HMCN2: variants seen among roughly 807,000 people sequenced by gnomAD.
HMCN2 encodes hemicentin 2.
HMCN2 carries 325 observed loss-of-function variants against 377.5 expected under a neutral mutation model. That is an observed-to-expected ratio of 0.86 (90% CI 0.79 to 0.94). HMCN2 has a LOEUF of 0.94. Among genes scored for constraint, HMCN2 ranks in the 40% least tolerant of loss-of-function variants. HMCN2 has a pLI of 0.00. For synonymous variants in HMCN2, 2,007 were observed against 2,046.8 expected, an observed-to-expected ratio of 0.98 and a Z score of 0.53; for missense variants, 4,543 against 4,725.3, an observed-to-expected ratio of 0.96 and a Z score of 1.13.
At chr9:130,408,479 A>G (rs961071280) in intron 83 of HMCN2, among the ~76,000 whole-genome samples, 1 of 152,164 alleles carries the variant, frequency 6.6e-6, no homozygotes, top group African/African-American at 2.4e-5. Flanking sequence ...GGCATCACTA[A>G]TCAATCACAG....
In HMCN2 at chr9:130,384,193, C is replaced by T. The variant is rs1841890229; in HGVS notation, c.8831-180C>T. On this transcript the variant is annotated intron_variant, in intron 57 of 97. Coordinates refer to ENST00000683500, the MANE Select transcript of HMCN2 (RefSeq NM_001291815.2). The stretch of plus-strand genomic sequence containing the variant: ...GAACAGTGACTCTCCCTCTCTGATC[C>T]CCTACCCAGTGTCCTTCTGTGTAAG... Among the ~76,000 whole-genome samples, 3 of 152,214 alleles carry T rather than the reference C, an allele frequency of 2.0e-5. No individual in the cohort carries two copies. The South Asian group carries it at 6.2e-4, about 32-fold the overall frequency.
rs7860727 is a variant in HMCN2 at position 130,433,627 on chromosome 9, T to C, written c.15174T>C (p.Arg5058=). ...TRAGLYRLTV[R]AAAPRHQSVF... ...CCGGCCTCTACCGGCTCACCGTGCG[T>C]GCTGCGGCACCGCGCCACCAAAGCG... Residue 5058 remains arginine, a synonymous_variant, in exon 98 of 98, where the codon CGT becomes CGC. Transcript: ENST00000683500. The C allele has an allele frequency of 0.16, 248,363 of 1,518,448 alleles. 22,250 individuals carry two copies. The highest frequency in any genetic ancestry group is 0.35 in the African/African-American group (24,325 of 69,054). 94.1% of individuals were successfully genotyped at this position (1,518,448 alleles called of 1,614,324 possible).
At chr9:130,358,623 T>G in intron 36 of HMCN2, 137 bp downstream of exon 36, 1 of 742,902 alleles carries the variant, frequency 1.3e-6, no homozygotes, top group Non-Finnish European at 2.0e-6. Flanking sequence ...TCAGAGGAAG[T>G]AGAAAGCCCT....
intron 22 of HMCN2, among the ~76,000 whole-genome samples, chr9:130,329,297 A>G (rs1169390920): frequency 2.0e-5 from 3 of 152,190 alleles, no homozygotes; most frequent in Non-Finnish European, 2.9e-5. Flanking sequence ...AGGTTCATCC[A>G]TGTCGTAGCC....
At chr9:130,398,346 G>C (rs1008251109) in intron 74 of HMCN2, among the ~76,000 whole-genome samples, 3 of 152,092 alleles carry the variant, frequency 2.0e-5, no homozygotes, top group Non-Finnish European at 4.4e-5. Flanking sequence ...AGGCACTGAG[G>C]GGGTGCCAGG....
Position 130,364,868 on chromosome 9 carries a change from C to G in HMCN2, c.6387C>G (p.Ser2129=), listed in dbSNP as rs532663288. 1 of 985,862 alleles carries G rather than the reference C, an allele frequency of 1.0e-6. No individual in the cohort carries two copies. The highest frequency in any genetic ancestry group is 1.7e-5 in the African/African-American group (1 of 57,252). The allele number at this position is 985,862 out of a possible 1,614,324, so 61.1% of individuals were successfully genotyped here. ...AACCACGGCCTGGAGTCCACCTCTC[C>G]GCAGACAAAGCCTTGCTGCAGGTGT... ...PLEPRPGVHL[S]ADKALLQVDR... Residue 2129 remains serine (S), a synonymous_variant, in exon 41 of 98, where the codon TCC becomes TCG. Coordinates refer to ENST00000683500, the MANE Select transcript of HMCN2 (RefSeq NM_001291815.2).
At chr9:130,313,570 G>T (rs1359386516) in intron 15 of HMCN2, among the ~76,000 whole-genome samples, 1 of 150,264 alleles carries the variant, frequency 6.7e-6, no homozygotes, top group African/African-American at 2.4e-5. Flanking sequence ...TTCACTTAGG[G>T]CTTGCGTGGA....
intron 31 of HMCN2, 138 bp downstream of exon 31, chr9:130,353,343 T>G: frequency 1.5e-6 from 1 of 679,988 alleles, no homozygotes; most frequent in Middle Eastern, 6.2e-4. Context: ...ACCAAGACAT[T>G]ATCTAGGGAG....
chr9:130,429,676 C>G lies in HMCN2; in HGVS notation c.14317C>G (p.Pro4773Ala), dbSNP rs1203087283. 2 of 1,532,778 alleles carry G rather than the reference C, an allele frequency of 1.3e-6. No individual in the cohort carries two copies. Among genetic ancestry groups the G allele is most frequent in the East Asian group, 4.9e-5 (2 of 40,604 alleles). The allele number at this position is 1,532,778 out of a possible 1,614,324, so 94.9% of individuals were successfully genotyped here. Residue 4773 changes from proline to alanine, a missense_variant, in exon 94 of 98, where the codon CCC (proline) becomes GCC (alanine). Physicochemically the swap from Pro to Ala is conservative, Grantham distance 27 (BLOSUM62 -1). Around this residue, in one of 5 missense-constraint regions of HMCN2, gnomAD observed 1,155 missense variants for 1,157.7 expected, o/e 1.00. Transcript: ENST00000683500. ...TTACCGGATGCAGGGCCCCAGCCTG[C>G]CCTGCCTAGGTACGGGGACACCCAC... ...RGYRMQGPSL[P>A]CLDVNECLQL...
At position 130,373,073 on chromosome 9, in the gene HMCN2, G is replaced by A; in HGVS notation, c.7387G>A (p.Val2463Met). Residue 2463 changes from valine to methionine, a missense_variant, in exon 48 of 98, where the codon GTG becomes ATG. By Grantham distance (21) the Val-to-Met change is conservative (BLOSUM62 1). Transcript: ENST00000683500. ...TATTGAGAACGAGGACTTGGAGGAGGTGATCAAGGTCCTTGATGGACAGAC... is the reference window on the plus strand; with the variant it reads ...TATTGAGAACGAGGACTTGGAGGAGATGATCAAGGTCCTTGATGGACAGAC... ...PSIENEDLEE[V>M]IKVLDGQTAH... 4 of 984,494 alleles carry A rather than the reference G, an allele frequency of 4.1e-6. No homozygotes were observed. Among genetic ancestry groups the A allele is most frequent in the Non-Finnish European group, 4.8e-6 (4 of 829,218 alleles). 61.0% of individuals were successfully genotyped at this position (984,494 alleles called of 1,614,324 possible). A position where few individuals can be genotyped will look rare whatever the true frequency, so the allele number is the denominator to read the frequency against.
At chr9:130,311,943 A>T (rs1335233530) in intron 15 of HMCN2, among the ~76,000 whole-genome samples, 2 of 152,150 alleles carry the variant, frequency 1.3e-5, no homozygotes, top group Non-Finnish European at 2.9e-5. Flanking sequence ...TGGGCTCAGG[A>T]GCCTGATAAG....
At position 130,341,145 on chromosome 9, in the gene HMCN2, G is replaced by A. The variant is rs1839025900; in HGVS notation, c.3522G>A (p.Leu1174=). The change falls in exon 24 of 98, where the codon CTG becomes CTA. Residue 1174 remains leucine, a synonymous_variant. Transcript: ENST00000683500. ...PPQVQPGPRV[L]KVLVGEALDL... The stretch of plus-strand genomic sequence containing the variant: ...AGGTGCAGCCAGGCCCTCGGGTTCT[G>A]AAGGTGCTGGTGGGAGAAGCCCTGG... The A allele has an allele frequency of 6.6e-6, 1 of 152,556 alleles. No homozygotes were observed. Among genetic ancestry groups the A allele is most frequent in the South Asian group, 2.1e-4 (1 of 4,836 alleles). 9.5% of individuals were successfully genotyped at this position (152,556 alleles called of 1,614,324 possible).
In HMCN2 at chr9:130,269,803, TG is replaced by T. The variant is rs1250997244; in HGVS notation, c.259+3667del. ...TGATGATGTTATCTGTTTTTTTTTT[TG>T]TTGTTGTTTGTTTGTTTGTTTTTTG... On this transcript the variant is annotated intron_variant, in intron 1 of 97. Coordinates refer to ENST00000683500, the MANE Select transcript of HMCN2 (RefSeq NM_001291815.2). 4.0e-3 allele frequency among the ~76,000 whole-genome samples: 555 copies of T among 139,510 alleles called. 18 individuals are homozygous for T. Among genetic ancestry groups the T allele is most frequent in the African/African-American group, 0.012 (450 of 38,914 alleles). The allele number at this position is 139,510 out of a possible 152,430, so 91.5% of individuals were successfully genotyped here.
intron 83 of HMCN2, among the ~76,000 whole-genome samples, chr9:130,408,152 T>G (rs2131740724): frequency 6.6e-6 from 1 of 152,272 alleles, no homozygotes; most frequent in African/African-American, 2.4e-5. Flanking sequence ...TGTCTTAGTT[T>G]GCACAACCTC....
chr9:130,408,454 C>T (rs1843225230), intron 83 of HMCN2, among the ~76,000 whole-genome samples: 1 of 152,196 alleles, frequency 6.6e-6, no homozygotes, highest in Non-Finnish European at 1.5e-5. Context: ...TGCCTTCCTG[C>T]CTGTGCCCAT....
In HMCN2 at chr9:130,427,394, G is replaced by A; in HGVS notation, c.13942+19G>A. 4 of 1,550,574 alleles carry A rather than the reference G, an allele frequency of 2.6e-6. No individual in the cohort carries two copies. The highest frequency in any genetic ancestry group is 3.5e-6 in the Non-Finnish European group (4 of 1,146,982). On this transcript the variant is annotated intron_variant, in intron 91 of 97. Coordinates refer to ENST00000683500, the MANE Select transcript of HMCN2 (RefSeq NM_001291815.2). ...TGTGTGGGTGAGCGCCCCCAACCCT[G>A]GCATGGATGTGGGAGGCCTCTCAGC...
intron 34 of HMCN2, among the ~76,000 whole-genome samples, chr9:130,356,855 G>A (rs1251900682): frequency 6.6e-6 from 1 of 152,194 alleles, no homozygotes; most frequent in Non-Finnish European, 1.5e-5. Flanking sequence ...TGGCCACAGA[G>A]TAGATGCTCA....
chr9:130,333,418 C>T (rs2131444742), intron 22 of HMCN2, among the ~76,000 whole-genome samples: 1 of 152,204 alleles, frequency 6.6e-6, no homozygotes, highest in East Asian at 1.9e-4. Context: ...TCTCTCTGGG[C>T]AGCCCTCTGC....
rs752081286 is a variant in HMCN2, at chr9:130,427,560, G to A, written c.14006G>A (p.Arg4669His). 7.9e-5 allele frequency: 123 copies of A among 1,550,374 alleles called. No homozygotes were observed. Among genetic ancestry groups the A allele is most frequent in the Non-Finnish European group, 1.0e-4 (116 of 1,146,978 alleles). The change falls in exon 92 of 98, where the codon CGC becomes CAC. Residue 4669 changes from arginine to histidine, a missense_variant. Transcript: ENST00000683500. ...CATGCCTGCCTTAATGCACCCGGCCGCTTCTCCTGCACCTGCCCCACTGGC... is the reference window on the plus strand; with the variant it reads ...CATGCCTGCCTTAATGCACCCGGCCACTTCTCCTGCACCTGCCCCACTGGC... ...CSHACLNAPG[R>H]FSCTCPTGFA...
Sources: allele counts gnomAD v4.1 joint callset (sites outside exome capture counted in the v4.1 genomes callset), GRCh38; gene constraint gnomAD v4.1.1; regional missense constraint gnomAD v4.1.1; transcripts MANE v1.5; gene names NCBI Gene and HGNC (gene_info 2026-07-23, HGNC 2026-07-21).